COL18A1: variants seen among roughly 807,000 people sequenced by gnomAD.
COL18A1 encodes collagen type XVIII alpha 1 chain.
A neutral mutation model predicts 168.0 loss-of-function variants in COL18A1; 133 were observed. The observed-to-expected ratio is 0.79, with a 90% confidence interval of 0.69 to 0.91. The LOEUF (loss-of-function observed/expected upper bound fraction) is 0.91. Ranked by LOEUF, COL18A1 falls within the 40% of genes least tolerant of loss-of-function variation. The pLI, the probability that COL18A1 is intolerant of heterozygous loss-of-function variation, is 0.00. For synonymous variants in COL18A1, 949 were observed against 809.0 expected (o/e 1.17, Z -2.94); for missense variants, 2,126 against 1,925.4 (o/e 1.10, Z -1.95).
rs780325168 is a variant in COL18A1, at chr21:45,474,009, G to T, written c.738+28G>T. 3.9e-6 allele frequency: 6 copies of T among 1,547,212 alleles called. No homozygotes were observed. The Admixed American group carries it at 1.1e-4, about 29-fold the overall frequency. ...GAGTGACATCTGGGGCACGGGTGGG[G>T]TCTCCCCTCAATCCCTGGCACGCGG... On this transcript the variant is annotated intron_variant, in intron 4 of 41. Transcript: ENST00000651438.
intron 2 of COL18A1, chr21:45,455,768 C>A: frequency 6.2e-7 from 1 of 1,613,760 alleles, no homozygotes. Flanking sequence ...CCCTGGCAGC[C>A]CTGAGCCACC....
At position 45,480,534 on chromosome 21, in the gene COL18A1, A is replaced by G; in HGVS notation, c.1452+14A>G. The G allele has an allele frequency of 6.2e-7, 1 of 1,613,982 alleles. No homozygotes were observed. Among genetic ancestry groups the G allele is most frequent in the Non-Finnish European group, 8.5e-7 (1 of 1,179,990 alleles). On this transcript the variant is annotated intron_variant, in intron 12 of 41. Coordinates refer to ENST00000651438, the MANE Select transcript of COL18A1 (RefSeq NM_001379500.1). ...GAGGCCCTGCGGGTGAGTGGCCCTTAAACTGCAGCGCTGCCCGATGTCTGT... is the reference window on the plus strand; with the variant it reads ...GAGGCCCTGCGGGTGAGTGGCCCTTGAACTGCAGCGCTGCCCGATGTCTGT...
rs533233555 is a variant in COL18A1, at chr21:45,470,994, G to A, written c.651+2208G>A. The stretch of plus-strand genomic sequence containing the variant: ...GCGTGGGTGGCGCGCTACAGGCTTC[G>A]TGCTGCTGGGCCTGGGTGGCGTGCT... On this transcript the variant is annotated intron_variant, in intron 3 of 41. Coordinates refer to ENST00000651438, the MANE Select transcript of COL18A1 (RefSeq NM_001379500.1). 2.6e-3 allele frequency among the ~76,000 whole-genome samples: 396 copies of A among 151,224 alleles called. 2 individuals carry two copies. The highest frequency in any genetic ancestry group is 0.011 in the South Asian group (52 of 4,768).
chr21:45,438,990 A>T (rs527788080), intron 2 of COL18A1, among the ~76,000 whole-genome samples: 114 of 152,274 alleles, frequency 7.5e-4, no homozygotes, highest in Non-Finnish European at 1.4e-3. Flanking sequence ...GTGCTTAGGG[A>T]CTTGCATGGC....
At chr21:45,497,438 C>T (rs1483333253) in intron 31 of COL18A1, among the ~76,000 whole-genome samples, 161 bp from the exon 32 acceptor site, 3 of 152,216 alleles carry the variant, frequency 2.0e-5, no homozygotes, top group Non-Finnish European at 4.4e-5. Context: ...GGACCCAGGG[C>T]GCCCCTGCTC....
intron 37 of COL18A1, chr21:45,506,256 C>G: frequency 2.3e-6 from 1 of 444,190 alleles, no homozygotes; most frequent in Non-Finnish European, 4.2e-6. Context: ...TGTCACCTCA[C>G]ACACCCGATA....
At chr21:45,405,320 C>CATGCGG in intron 1 of COL18A1, 59 bp from the exon 2 acceptor site, 1 of 385,144 alleles carries the variant, frequency 2.6e-6, no homozygotes, top group Non-Finnish European at 3.2e-6. Flanking sequence ...GGGGCTCGGC[C>CATGCGG]GGGTCCTGCG....
intron 2 of COL18A1, among the ~76,000 whole-genome samples, chr21:45,466,622 C>T (rs1304119232): frequency 6.6e-6 from 1 of 152,218 alleles, no homozygotes; most frequent in Non-Finnish European, 1.5e-5. Context: ...ATCTTAGGGC[C>T]GGGCATTTGG....
At chr21:45,460,680 T>C (rs75820285) in intron 2 of COL18A1, among the ~76,000 whole-genome samples, 4,289 of 152,372 alleles carry the variant, frequency 0.028, 212 homozygotes, top group African/African-American at 0.097. Context: ...ATTTGTTTGA[T>C]GTTTCCATGT....
chr21:45,495,940 A>G (rs943042749), intron 29 of COL18A1: 4 of 324,248 alleles, frequency 1.2e-5, no homozygotes, highest in African/African-American at 4.3e-5. Flanking sequence ...CACACTGCAC[A>G]TGTATACTCA....
rs372593764 is a variant in COL18A1, at chr21:45,443,071, G to A, written c.107-25171G>A. Among the ~76,000 whole-genome samples the A allele has an allele frequency of 2.1e-4, 26 of 125,496 alleles. 4 individuals carry two copies. The highest frequency in any genetic ancestry group is 9.1e-4 in the African/African-American group (25 of 27,524). 82.3% of individuals were successfully genotyped at this position (125,496 alleles called of 152,430 possible). On this transcript the variant is annotated intron_variant, in intron 2 of 41. Coordinates refer to ENST00000651438, the MANE Select transcript of COL18A1 (RefSeq NM_001379500.1). The surrounding 1 kb of genome is among the most constrained non-coding windows in gnomAD (Gnocchi z 5.2). ...GCTGGTGTGGGCGGTGGTGGTGCTG[G>A]TGTGGGTGGTGGTGGTGCTGATGTG...
chr21:45,405,491 C>A lies in COL18A1; in HGVS notation c.106+18C>A. The A allele has an allele frequency of 7.5e-7, 1 of 1,336,632 alleles. No homozygotes were observed. Among genetic ancestry groups the A allele is most frequent in the Non-Finnish European group, 9.7e-7 (1 of 1,033,456 alleles). 82.8% of individuals were successfully genotyped at this position (1,336,632 alleles called of 1,614,324 possible). The stretch of plus-strand genomic sequence containing the variant: ...GGAGCCAGGTAAGACCCGGGCGGGA[C>A]GGGAAGGTTCGCGCCGGTGCCCGCC... On this transcript the variant is annotated intron_variant, in intron 2 of 41. Transcript: ENST00000651438.
chr21:45,411,162 C>T (rs1427299320), intron 2 of COL18A1, among the ~76,000 whole-genome samples: 1 of 152,222 alleles, frequency 6.6e-6, no homozygotes, highest in African/African-American at 2.4e-5. Context: ...GGCGAAGTCC[C>T]AGCCCTGCAG....
Position 45,468,308 on chromosome 21 carries a change from A to G in COL18A1, c.173A>G (p.Gln58Arg), listed in dbSNP as rs754087313. The G allele has an allele frequency of 6.2e-7, 1 of 1,613,374 alleles. No individual in the cohort carries two copies. Among genetic ancestry groups the G allele is most frequent in the Non-Finnish European group, 8.5e-7 (1 of 1,180,038 alleles). ...LGDPPPQQVT[Q>R]TDDPDVGLAY... ...GACCCCCCGCCCCAGCAGGTCACCCAGACGGATGACCCCGACGTCGGGCTG... is the reference window on the plus strand; with the variant it reads ...GACCCCCCGCCCCAGCAGGTCACCCGGACGGATGACCCCGACGTCGGGCTG... Residue 58 changes from glutamine (Q) to arginine (R), a missense_variant, in exon 3 of 42, where the codon CAG becomes CGG. Gln to Arg is a conservative substitution (Grantham distance 43). Coordinates refer to ENST00000651438, the MANE Select transcript of COL18A1 (RefSeq NM_001379500.1).
chr21:45,486,757 T>C, intron 15 of COL18A1, 104 bp from the exon 16 acceptor site: 2 of 1,292,780 alleles, frequency 1.5e-6, no homozygotes. Context: ...TACCTTTTGA[T>C]TTGCAGGGTT....
Position 45,453,321 on chromosome 21 carries a change from CATAT to C in COL18A1, c.107-14918_107-14915del, listed in dbSNP as rs369954724. Among the ~76,000 whole-genome samples the C allele has an allele frequency of 3.0e-3, 454 of 152,310 alleles. 3 individuals are homozygous for C. Among genetic ancestry groups the C allele is most frequent in the African/African-American group, 0.01 (429 of 41,560 alleles). On this transcript the variant is annotated intron_variant, in intron 2 of 41. Transcript: ENST00000651438. ...TGTGTATGTGAGTATTCACATGTGA[CATAT>C]ATGGCATAGCTAAGCATGCATGTGC...
chr21:45,491,130 T>G, intron 21 of COL18A1, 95 bp from the exon 22 acceptor site: 1 of 1,147,592 alleles, frequency 8.7e-7, no homozygotes, highest in Non-Finnish European at 1.3e-6. Context: ...TCACCCACCG[T>G]GGGCTCTGGG....
At chr21:45,504,807 C>T (rs2037092414) in intron 34 of COL18A1, among the ~76,000 whole-genome samples, 1 of 152,140 alleles carries the variant, frequency 6.6e-6, no homozygotes, top group African/African-American at 2.4e-5. Context: ...CACGTGCATC[C>T]ACCTCTGCTC....
At position 45,493,554 on chromosome 21, in the gene COL18A1, C is replaced by A; in HGVS notation, c.2331C>A (p.Gly777=). 6.4e-7 allele frequency: 1 copy of A among 1,556,978 alleles called. No individual in the cohort carries two copies. Among genetic ancestry groups the A allele is most frequent in the Non-Finnish European group, 8.7e-7 (1 of 1,151,090 alleles). Residue 777 remains glycine (G), a synonymous_variant, in exon 26 of 42, where the codon GGC becomes GGA. Transcript: ENST00000651438. ...SIFSPDGGAL[G]PAQKGAKGEP... is the part of the protein sequence containing the mutation. ...TCAGCCCCGACGGCGGTGCCCTGGG[C>A]CCTGCCCAGAAAGGAGCCAAGGTGA...
Sources: gnomAD v4.1 joint callset for allele counts (sites outside exome capture counted in the v4.1 genomes callset) on GRCh38, gnomAD v4.1.1 for gene constraint, Gnocchi (gnomAD v3.1) non-coding constraint, MANE v1.5 for transcripts, NCBI Gene and HGNC (gene_info 2026-07-23, HGNC 2026-07-21) for gene names.